Variants in RALGPS1 observed in about 807,000 individuals in gnomAD.
The protein encoded by RALGPS1 is ras-specific guanine nucleotide-releasing factor RalGPS1.
RALGPS1 carries 19 observed loss-of-function variants against 78.8 expected under a neutral mutation model. The observed-to-expected ratio is 0.24, with a 90% CI of 0.17 to 0.35. The LOEUF (loss-of-function observed/expected upper bound fraction) is 0.35. RALGPS1 is among the 10% of genes least tolerant of loss of function. RALGPS1 has a pLI of 1.00. For synonymous variants in RALGPS1, 228 were observed against 256.3 expected (o/e 0.89, Z 1.06); for missense variants, 454 against 688.3 (o/e 0.66, Z 3.81).
At chr9:126,943,885 T>C (rs2037007554) in intron 1 of RALGPS1, among the ~76,000 whole-genome samples, 1 of 152,176 alleles carries the variant, frequency 6.6e-6, no homozygotes, top group Admixed American at 6.5e-5. Flanking sequence ...GGCCCAATAA[T>C]GTAATGTGGG....
At position 127,107,877 on chromosome 9, in the gene RALGPS1, C is replaced by T. The variant is rs771700007; in HGVS notation, c.610+38521C>T. 2.7e-6 allele frequency: 4 copies of T among 1,508,296 alleles called. No homozygotes were observed. The African/African-American group carries it at 5.6e-5, about 21-fold the overall frequency. The allele number at this position is 1,508,296 out of a possible 1,614,324, so 93.4% of individuals were successfully genotyped here. On this transcript the variant is annotated intron_variant, in intron 8 of 18. Transcript: ENST00000259351. Reference sequence around the variant, plus strand: ...GCCAAGGGAAGCCTGGTGCCTGGCTCTGAGACCCACATGTAACACGATCCC... The same window carrying T: ...GCCAAGGGAAGCCTGGTGCCTGGCTTTGAGACCCACATGTAACACGATCCC...
intron 14 of RALGPS1, among the ~76,000 whole-genome samples, chr9:127,203,547 G>A (rs560773873): frequency 1.7e-4 from 26 of 152,184 alleles, no homozygotes; most frequent in Non-Finnish European, 3.1e-4. Context: ...CAGGGTGAGA[G>A]GAGGCCCCTG....
At chr9:127,086,152 A>G (rs999240572) in intron 8 of RALGPS1, among the ~76,000 whole-genome samples, 1 of 152,272 alleles carries the variant, frequency 6.6e-6, no homozygotes, top group Middle Eastern at 3.4e-3. Context: ...TTCTAATCAC[A>G]TGGTAGGCTT....
At chr9:127,147,851 G>T (rs189113936) in intron 8 of RALGPS1, among the ~76,000 whole-genome samples, 3 of 152,270 alleles carry the variant, frequency 2.0e-5, no homozygotes, top group Admixed American at 2.0e-4. Context: ...ATTACTATTG[G>T]TGTATTAAAG....
At chr9:127,086,280 T>C (rs1216050229) in intron 8 of RALGPS1, among the ~76,000 whole-genome samples, 1 of 152,230 alleles carries the variant, frequency 6.6e-6, no homozygotes, top group Non-Finnish European at 1.5e-5. Flanking sequence ...TAAGTGCATT[T>C]ACAATTTTGA....
At chr9:127,100,480 A>G (rs2053608147) in intron 8 of RALGPS1, among the ~76,000 whole-genome samples, 1 of 150,990 alleles carries the variant, frequency 6.6e-6, no homozygotes, top group Non-Finnish European at 1.5e-5. Flanking sequence ...GAGGAGAAAC[A>G]GGGGCTTTAA....
intron 7 of RALGPS1, among the ~76,000 whole-genome samples, chr9:127,054,879 G>A (rs2048580791): frequency 6.6e-6 from 1 of 152,140 alleles, no homozygotes; most frequent in African/African-American, 2.4e-5. Context: ...GCAGGAGACT[G>A]AGGCAGGAAG....
At chr9:126,959,293 C>T (rs891333868) in intron 1 of RALGPS1, among the ~76,000 whole-genome samples, 4 of 152,124 alleles carry the variant, frequency 2.6e-5, no homozygotes, top group Non-Finnish European at 4.4e-5. Context: ...AACTCCTGAC[C>T]TCAGGTGGTC....
At chr9:127,067,546 T>G (rs2135797963) in intron 7 of RALGPS1, among the ~76,000 whole-genome samples, 1 of 152,358 alleles carries the variant, frequency 6.6e-6, no homozygotes, top group South Asian at 2.1e-4. Context: ...TCTCAGGAAC[T>G]GCACTGCTTC....
intron 1 of RALGPS1, among the ~76,000 whole-genome samples, chr9:126,937,691 AGGAG>A (rs1456909528): frequency 7.2e-5 from 11 of 152,130 alleles, no homozygotes; most frequent in Non-Finnish European, 1.5e-5. Flanking sequence ...AGAGGAGAAA[AGGAG>A]GAAGAAGGAT....
At chr9:127,161,856 CACAG>C (rs33974037) in intron 8 of RALGPS1, among the ~76,000 whole-genome samples, 12,464 of 152,146 alleles carry the variant, frequency 0.082, 1,670 homozygotes, top group African/African-American at 0.28. Flanking sequence ...GCTGTGTGGC[CACAG>C]ACAAACGGTA....
chr9:127,023,077 C>A (rs1401577712), intron 4 of RALGPS1, among the ~76,000 whole-genome samples: 1 of 151,992 alleles, frequency 6.6e-6, no homozygotes, highest in Non-Finnish European at 1.5e-5. Flanking sequence ...GGTTTCATAT[C>A]AACTCTTTCC....
chr9:126,940,300 T>G (rs1442132452), intron 1 of RALGPS1, among the ~76,000 whole-genome samples: 1 of 152,124 alleles, frequency 6.6e-6, no homozygotes, highest in Non-Finnish European at 1.5e-5. Context: ...GAAGCATCAT[T>G]ATAAACCTAT....
chr9:127,188,212 C>CT (rs1215427663), intron 11 of RALGPS1, among the ~76,000 whole-genome samples: 1 of 151,992 alleles, frequency 6.6e-6, no homozygotes, highest in Non-Finnish European at 1.5e-5. Context: ...TAGGTGCCTG[C>CT]TACCACACCC....
chr9:127,132,672 C>T (rs542017836), intron 8 of RALGPS1, among the ~76,000 whole-genome samples: 8 of 152,316 alleles, frequency 5.3e-5, no homozygotes, highest in Admixed American at 3.3e-4. Flanking sequence ...AACCCTGGGC[C>T]TGCCCTTCCC....
chr9:127,177,775 G>C lies in RALGPS1; in HGVS notation c.910+2993G>C. ...GGCACTGCATTTCCTGGCCTCCTTT[G>C]ACCCCTGACTGTCCTGGAAGTCAGC... On this transcript the variant is annotated intron_variant, in intron 11 of 18. Coordinates refer to ENST00000259351, the MANE Select transcript of RALGPS1 (RefSeq NM_014636.3). The C allele has an allele frequency of 2.0e-6, 3 of 1,525,758 alleles. No individual in the cohort carries two copies. In the South Asian group the frequency reaches 3.6e-5, roughly 18 times the overall value. The allele number at this position is 1,525,758 out of a possible 1,614,324, so 94.5% of individuals were successfully genotyped here. A position where few individuals can be genotyped will look rare whatever the true frequency, so the allele number is the denominator to read the frequency against.
At chr9:126,963,587 T>C (rs1267835690) in intron 2 of RALGPS1, among the ~76,000 whole-genome samples, 1 of 152,228 alleles carries the variant, frequency 6.6e-6, no homozygotes, top group African/African-American at 2.4e-5. Context: ...AGCCCCATAA[T>C]TTGTTGCTTA....
At chr9:127,008,518 G>C (rs1240207255) in intron 4 of RALGPS1, among the ~76,000 whole-genome samples, 1 of 152,172 alleles carries the variant, frequency 6.6e-6, no homozygotes, top group East Asian at 1.9e-4. Flanking sequence ...TGTGGGAAAA[G>C]TGGGATGGGG....
intron 11 of RALGPS1, among the ~76,000 whole-genome samples, chr9:127,177,450 C>A (rs1588356507): frequency 1.3e-5 from 2 of 152,228 alleles, no homozygotes; most frequent in Admixed American, 1.3e-4. Context: ...ACAGAGGCTT[C>A]CTCTTCCCCT....
Sources: gnomAD v4.1 joint callset for allele counts (sites outside exome capture counted in the v4.1 genomes callset) on GRCh38, gnomAD v4.1.1 for gene constraint, MANE v1.5 for transcripts, NCBI Gene and HGNC (gene_info 2026-07-23, HGNC 2026-07-21) for gene names.